LIPA: variants seen among roughly 807,000 people sequenced by gnomAD.
The protein encoded by LIPA is lipase A, lysosomal acid type, also known as lysosomal acid lipase/cholesteryl ester hydrolase.
LIPA carries 26 observed loss-of-function variants against 40.6 expected under a neutral mutation model. The observed-to-expected ratio is 0.64, with a 90% CI of 0.47 to 0.89. LIPA has a LOEUF of 0.89. LIPA is among the 40% of genes least tolerant of loss of function. LIPA has a pLI of 0.00. For synonymous variants in LIPA, 188 were observed against 168.4 expected, an observed-to-expected ratio of 1.12 and a Z score of -0.90; for missense variants, 455 against 479.6, an observed-to-expected ratio of 0.95 and a Z score of 0.48.
chr10:89,324,363 A>T (rs1843588159), intron 1 of LIPA, among the ~76,000 whole-genome samples: 1 of 152,204 alleles, frequency 6.6e-6, no homozygotes, highest in South Asian at 2.1e-4. Context: ...CTTACATCAT[A>T]TATGGAAATC....
At chr10:89,363,929 G>T (rs1274945659) in intron 2 of LIPA, among the ~76,000 whole-genome samples, 1 of 152,158 alleles carries the variant, frequency 6.6e-6, no homozygotes, top group African/African-American at 2.4e-5. Context: ...ATCTCATTGT[G>T]CTCCTTCACA....
intron 1 of LIPA, chr10:89,285,227 C>A (rs1384061896): frequency 6.3e-6 from 1 of 159,768 alleles, no homozygotes; most frequent in Non-Finnish European, 1.3e-5. Context: ...CTCCTCAGAC[C>A]AACCAGCCCA....
chr10:89,398,926 A>C (rs1456567788), intron 2 of LIPA, among the ~76,000 whole-genome samples: 1 of 152,172 alleles, frequency 6.6e-6, no homozygotes, highest in Non-Finnish European at 1.5e-5. Flanking sequence ...TGGTAATTCT[A>C]TGGTTAATTT....
intron 2 of LIPA, among the ~76,000 whole-genome samples, chr10:89,391,505 T>C (rs1284317998): frequency 6.6e-6 from 1 of 152,084 alleles, no homozygotes; most frequent in Admixed American, 6.6e-5. Context: ...CCTGAGCCAA[T>C]GCACCCGGAC....
At chr10:89,224,073 A>G (rs1228770675) in intron 6 of LIPA, among the ~76,000 whole-genome samples, 2 of 152,230 alleles carry the variant, frequency 1.3e-5, no homozygotes, top group Non-Finnish European at 2.9e-5. Context: ...AAATCAAATA[A>G]GTTTTCAGCG....
At chr10:89,309,530 C>T (rs986457932) in intron 1 of LIPA, among the ~76,000 whole-genome samples, 3 of 152,154 alleles carry the variant, frequency 2.0e-5, no homozygotes, top group Admixed American at 2.0e-4. Flanking sequence ...GAAGGAACAC[C>T]ACACGTATTC....
chr10:89,370,195 C>G lies in LIPA; in HGVS notation c.61+42596G>C, dbSNP rs576783866. ...TAGTAATATATAGCTAGCGGTGGCACAGATTTAGAATGTTTTCTTTTTTTG... is the reference window on the plus strand; with the variant it reads ...TAGTAATATATAGCTAGCGGTGGCAGAGATTTAGAATGTTTTCTTTTTTTG... On this transcript the variant is annotated intron_variant, in intron 2 of 8. Coordinates refer to the LIPA transcript ENST00000371837. 3.9e-5 allele frequency among the ~76,000 whole-genome samples: 6 copies of G among 152,034 alleles called. No homozygotes were observed. The East Asian group carries it at 1.2e-3, about 29-fold the overall frequency.
chr10:89,301,382 A>G (rs1843444323), intron 1 of LIPA, among the ~76,000 whole-genome samples: 1 of 152,232 alleles, frequency 6.6e-6, no homozygotes, highest in African/African-American at 2.4e-5. Context: ...TGCTCCTTAC[A>G]GTGGCCTGTG....
chr10:89,332,110 AATC>A (rs1350264047), intron 1 of LIPA, among the ~76,000 whole-genome samples: 192 of 152,296 alleles, frequency 1.3e-3, no homozygotes, highest in Non-Finnish European at 2.2e-3. Context: ...GCACGTCTGT[AATC>A]CCAGCTACTC....
At chr10:89,367,741 G>C (rs186998697) in intron 2 of LIPA, among the ~76,000 whole-genome samples, 1 of 152,190 alleles carries the variant, frequency 6.6e-6, no homozygotes, top group Non-Finnish European at 1.5e-5. Flanking sequence ...AGTTTTGAGC[G>C]TTTGTGTGTG....
At chr10:89,341,858 C>A (rs7911396) in intron 1 of LIPA, among the ~76,000 whole-genome samples, 10,521 of 152,058 alleles carry the variant, frequency 0.069, 914 homozygotes, top group African/African-American at 0.2. Context: ...GGCATTATAC[C>A]GTATTAAGAG....
At chr10:89,238,447 A>G (rs1361299528) in intron 3 of LIPA, among the ~76,000 whole-genome samples, 1 of 152,228 alleles carries the variant, frequency 6.6e-6, no homozygotes, top group Non-Finnish European at 1.5e-5. Flanking sequence ...ACTAAAGCAA[A>G]TGATGGAAGA....
At chr10:89,294,310 G>T (rs1843395867) in intron 1 of LIPA, among the ~76,000 whole-genome samples, 1 of 152,212 alleles carries the variant, frequency 6.6e-6, no homozygotes. Context: ...GGGCAGATTG[G>T]GAGATTGGGT....
chr10:89,322,742 C>T (rs1389716934), intron 1 of LIPA, among the ~76,000 whole-genome samples: 1 of 152,170 alleles, frequency 6.6e-6, no homozygotes, highest in African/African-American at 2.4e-5. Flanking sequence ...TAAGATTGCC[C>T]CATCTCAAAC....
At chr10:89,220,082 G>C (rs1842678185) in intron 8 of LIPA, among the ~76,000 whole-genome samples, 1 of 152,214 alleles carries the variant, frequency 6.6e-6, no homozygotes, top group Non-Finnish European at 1.5e-5. Flanking sequence ...CCCATGCCCA[G>C]TGGAGGCCCA....
At chr10:89,414,148 T>C (rs1841505178) in intron 1 of LIPA, among the ~76,000 whole-genome samples, 1 of 152,182 alleles carries the variant, frequency 6.6e-6, no homozygotes, top group East Asian at 1.9e-4. Context: ...AAAATGTATA[T>C]AGATTTTAGC....
At chr10:89,413,933 A>G (rs996735610) in intron 1 of LIPA, among the ~76,000 whole-genome samples, 1 of 152,172 alleles carries the variant, frequency 6.6e-6, no homozygotes, top group African/African-American at 2.4e-5. Flanking sequence ...TTGTTTGTCA[A>G]TATTTGCTGA....
At chr10:89,316,251 G>A (rs1196098003) in intron 1 of LIPA, among the ~76,000 whole-genome samples, 1 of 152,202 alleles carries the variant, frequency 6.6e-6, no homozygotes, top group Non-Finnish European at 1.5e-5. Context: ...CACAGTGTGG[G>A]CCAAAGCAGG....
intron 2 of LIPA, among the ~76,000 whole-genome samples, chr10:89,399,438 A>G (rs1248349286): frequency 6.6e-6 from 1 of 152,188 alleles, no homozygotes. Flanking sequence ...TATCTAATGA[A>G]TCACTGCCAA....
Sources: gnomAD v4.1 joint callset for allele counts (sites outside exome capture counted in the v4.1 genomes callset) on GRCh38, gnomAD v4.1.1 for gene constraint, MANE v1.5 for transcripts, NCBI Gene and HGNC (gene_info 2026-07-23, HGNC 2026-07-21) for gene names.